The following TNIP3 variants were observed in gnomAD, a reference collection of about 807,000 sequenced individuals.
TNIP3 encodes TNFAIP3 interacting protein 3.
TNIP3 carries 34 observed loss-of-function variants against 54.1 expected under a neutral mutation model. The ratio of observed to expected loss-of-function variants is 0.63; its 90% CI spans 0.48 to 0.84. TNIP3 has a LOEUF of 0.84. TNIP3 is among the 40% of genes least tolerant of loss of function. The pLI is 0.00. For synonymous variants in TNIP3, 134 were observed against 136.8 expected, an observed-to-expected ratio of 0.98 and a Z score of 0.14; for missense variants, 366 against 387.6, an observed-to-expected ratio of 0.94 and a Z score of 0.47.
chr4:121,164,243 A>G lies in TNIP3; in HGVS notation c.-118T>C, dbSNP rs1730636669. ...AATTTAAAAAACACACATCACCGTT[A>G]ACTCATAATAGAAAATAACAGCAAT... On this transcript the variant is annotated 5_prime_UTR_variant, in exon 1 of 11. The change abolishes the stop of an existing upstream ORF in the 5' untranslated region. Transcript: ENST00000057513. The G allele has an allele frequency of 6.5e-7, 1 of 1,529,348 alleles. No individual in the cohort carries two copies. The highest frequency in any genetic ancestry group is 2.4e-5 in the East Asian group (1 of 42,368). The allele number at this position is 1,529,348 out of a possible 1,614,324, so 94.7% of individuals were successfully genotyped here. A position where few individuals can be genotyped will look rare whatever the true frequency, so the allele number is the denominator to read the frequency against.
chr4:121,178,444 G>T (rs1018258452), intron 3 of TNIP3, among the ~76,000 whole-genome samples: 2 of 152,182 alleles, frequency 1.3e-5, no homozygotes, highest in East Asian at 3.8e-4. Context: ...CACCTCAGTC[G>T]CAAGAGCAAT....
At chr4:121,161,050 A>T (rs191922190) in intron 2 of TNIP3, 86 bp downstream of exon 2, 5 of 1,123,514 alleles carry the variant, frequency 4.5e-6, no homozygotes, top group Non-Finnish European at 6.4e-6. Context: ...CTGATAACAA[A>T]AATAAAAGGC....
intron 10 of TNIP3, among the ~76,000 whole-genome samples, chr4:121,138,180 C>G (rs1179781121): frequency 1.3e-5 from 2 of 152,216 alleles, no homozygotes; most frequent in Non-Finnish European, 2.9e-5. Context: ...TGGAGTCTGA[C>G]ATTTAGTCAT....
At chr4:121,160,413 A>C (rs1375506805) in intron 2 of TNIP3, among the ~76,000 whole-genome samples, 1 of 151,978 alleles carries the variant, frequency 6.6e-6, no homozygotes, top group Non-Finnish European at 1.5e-5. Flanking sequence ...CTGGAGGCAG[A>C]GGCTGCAGTG....
chr4:121,163,695 G>T (rs902256114), intron 1 of TNIP3, among the ~76,000 whole-genome samples: 3 of 151,980 alleles, frequency 2.0e-5, no homozygotes, highest in Non-Finnish European at 4.4e-5. Context: ...AAAATCTATG[G>T]TACCAATTGT....
intron 2 of TNIP3, among the ~76,000 whole-genome samples, chr4:121,204,504 G>T (rs1256112439): frequency 6.6e-6 from 1 of 152,136 alleles, no homozygotes; most frequent in African/African-American, 2.4e-5. Context: ...ACCTCCTAAG[G>T]CGTGCATCCT....
At chr4:121,224,876 T>A (rs1727192777) in intron 1 of TNIP3, among the ~76,000 whole-genome samples, 1 of 152,090 alleles carries the variant, frequency 6.6e-6, no homozygotes, top group Non-Finnish European at 1.5e-5. Flanking sequence ...GACAACATAT[T>A]CTCTAATATT....
intron 8 of TNIP3, among the ~76,000 whole-genome samples, chr4:121,142,471 CT>C (rs1051885399): frequency 2.7e-4 from 41 of 152,288 alleles, no homozygotes; most frequent in African/African-American, 9.4e-4. Flanking sequence ...TTTCCAGGTG[CT>C]TGTGGGTCTA....
At chr4:121,213,633 A>G (rs1726604958) in intron 2 of TNIP3, among the ~76,000 whole-genome samples, 1 of 151,656 alleles carries the variant, frequency 6.6e-6, no homozygotes, top group Admixed American at 6.6e-5. Context: ...AGGCTGAGGC[A>G]GGAGAATGGC....
At chr4:121,204,175 G>T (rs960324962) in intron 2 of TNIP3, among the ~76,000 whole-genome samples, 1 of 151,980 alleles carries the variant, frequency 6.6e-6, no homozygotes, top group African/African-American at 2.4e-5. Flanking sequence ...CCAAAATCTC[G>T]AAGCTAAAGG....
intron 10 of TNIP3, among the ~76,000 whole-genome samples, chr4:121,134,698 T>C (rs1461420772): frequency 2.0e-5 from 3 of 152,194 alleles, no homozygotes; most frequent in Non-Finnish European, 1.5e-5. Context: ...TGGAAATTAG[T>C]TGACTGGAAG....
At chr4:121,135,719 T>C (rs1728743316) in intron 10 of TNIP3, among the ~76,000 whole-genome samples, 1 of 152,198 alleles carries the variant, frequency 6.6e-6, no homozygotes, top group Admixed American at 6.6e-5. Flanking sequence ...GATTTCTTAA[T>C]AGTCAATACC....
At chr4:121,156,406 T>A (rs889396607) in intron 4 of TNIP3, among the ~76,000 whole-genome samples, 1 of 152,214 alleles carries the variant, frequency 6.6e-6, no homozygotes, top group Non-Finnish European at 1.5e-5. Flanking sequence ...CAGGAAAAGC[T>A]GTCATCTCAA....
chr4:121,145,405 C>A (rs1314902201), intron 7 of TNIP3, among the ~76,000 whole-genome samples: 5 of 152,002 alleles, frequency 3.3e-5, no homozygotes, highest in African/African-American at 1.2e-4. Context: ...CAGAATTATA[C>A]CATACTGCAT....
intron 2 of TNIP3, among the ~76,000 whole-genome samples, chr4:121,160,361 C>A (rs964430643): frequency 1.3e-5 from 2 of 152,036 alleles, no homozygotes; most frequent in Admixed American, 6.6e-5. Flanking sequence ...CGCCTGTAAT[C>A]CCAGCTACTT....
chr4:121,199,974 A>G (rs1400371765), intron 2 of TNIP3, among the ~76,000 whole-genome samples: 1 of 152,106 alleles, frequency 6.6e-6, no homozygotes, highest in Non-Finnish European at 1.5e-5. Context: ...TTTTTTCTCA[A>G]TTACACAAAG....
intron 2 of TNIP3, among the ~76,000 whole-genome samples, chr4:121,213,741 C>CA (rs902398389): frequency 7.0e-6 from 1 of 142,120 alleles, no homozygotes; most frequent in East Asian, 2.0e-4. Flanking sequence ...AAAAAAAAAA[C>CA]AAAAAAAGAC....
chr4:121,198,503 G>A lies in TNIP3; in HGVS notation c.69-15707C>T, dbSNP rs144724457. Among the ~76,000 whole-genome samples, 289 of 152,108 alleles carry A rather than the reference G, an allele frequency of 1.9e-3. 2 individuals carry two copies. The highest frequency in any genetic ancestry group is 6.7e-3 in the African/African-American group (280 of 41,490). ...AAATAACAACTGAGCACCTATTATGGGCCAGATGCATTTCTTAGTGGTGAG... is the reference window on the plus strand; with the variant it reads ...AAATAACAACTGAGCACCTATTATGAGCCAGATGCATTTCTTAGTGGTGAG... On this transcript the variant is annotated intron_variant, in intron 2 of 12. Transcript: ENST00000507879.
exon 3 of TNIP3, chr4:121,182,755 A>G (rs1416690664): frequency 1.6e-5 from 24 of 1,534,076 alleles, no homozygotes; most frequent in Non-Finnish European, 2.0e-5. Flanking sequence ...ATTTCTCTCA[A>G]TCAGATCCTG....
Sources: gnomAD v4.1 joint callset for allele counts (sites outside exome capture counted in the v4.1 genomes callset) on GRCh38, gnomAD v4.1.1 for gene constraint, MANE v1.5 for transcripts, NCBI Gene and HGNC (gene_info 2026-07-23, HGNC 2026-07-21) for gene names.